Variants in PCDHGB1 observed in about 807,000 individuals in gnomAD.
PCDHGB1 encodes protocadherin gamma subfamily B, 1.
A neutral mutation model predicts 56.6 loss-of-function variants in PCDHGB1; 34 were observed. The ratio of observed to expected loss-of-function variants is 0.60; its 90% CI spans 0.46 to 0.80. The LOEUF is 0.80. Among genes scored for constraint, PCDHGB1 ranks in the 30% least tolerant of loss-of-function variants. The pLI is 0.00. For synonymous variants in PCDHGB1, 561 were observed against 505.9 expected (o/e 1.11, Z -1.46); for missense variants, 1,278 against 1,204.6 (o/e 1.06, Z -0.90).
At chr5:141,451,315 T>A (rs2154563546) in intron 1 of PCDHGB1, among the ~76,000 whole-genome samples, 1 of 152,330 alleles carries the variant, frequency 6.6e-6, no homozygotes, top group South Asian at 2.1e-4. Context: ...GCAATTAAAG[T>A]GTCACCTAAG....
In PCDHGB1 at chr5:141,351,327, C is replaced by A; in HGVS notation, c.1067C>A (p.Ser356Ter). The change falls in exon 1 of 4, where the codon TCA becomes TAA. Residue 356 changes from serine to a stop codon, truncating the protein, a stop_gained. Transcript: ENST00000523390. LOFTEE classifies it high-confidence loss of function. ...MSFSNQIPEDSDLGTVIALIK... is the reference protein window; with the variant it reads ...MSFSNQIPED Reference sequence around the variant, plus strand: ...TTCTCTAACCAGATTCCAGAGGATTCAGACCTTGGAACTGTAATAGCCCTC... The same window carrying A: ...TTCTCTAACCAGATTCCAGAGGATTAAGACCTTGGAACTGTAATAGCCCTC... 3 of 1,613,716 alleles carry A rather than the reference C, an allele frequency of 1.9e-6. No homozygotes were observed. The highest frequency in any genetic ancestry group is 2.5e-6 in the Non-Finnish European group (3 of 1,179,720).
At chr5:141,418,066 C>T (rs777602456) in intron 1 of PCDHGB1, 1 of 1,613,980 alleles carries the variant, frequency 6.2e-7, no homozygotes, top group Non-Finnish European at 8.5e-7. Flanking sequence ...TGCGAGTGAG[C>T]GCGGAGAAGC....
At chr5:141,470,025 A>T (rs2099219670) in intron 1 of PCDHGB1, among the ~76,000 whole-genome samples, 1 of 152,156 alleles carries the variant, frequency 6.6e-6, no homozygotes, top group African/African-American at 2.4e-5. Context: ...GCTACTCGGG[A>T]TGCTGAGGCG....
rs199698737 is a variant in PCDHGB1, at chr5:141,438,639, C to T, written c.2410-56168C>T. On this transcript the variant is annotated intron_variant, in intron 1 of 3. Transcript: ENST00000523390. ...ATATATATATATATATATATATACA[C>T]ACACACACACACATATATGTATATA... 7.1e-3 allele frequency among the ~76,000 whole-genome samples: 359 copies of T among 50,816 alleles called. 1 individual carries two copies. Among genetic ancestry groups the T allele is most frequent in the South Asian group, 0.017 (27 of 1,588 alleles). The allele number at this position is 50,816 out of a possible 152,430, so 33.3% of individuals were successfully genotyped here.
chr5:141,358,450 A>G (rs62378416), intron 1 of PCDHGB1, among the ~76,000 whole-genome samples: 4,507 of 152,282 alleles, frequency 0.03, 78 homozygotes, highest in Middle Eastern at 0.088. Flanking sequence ...ACGTCAATTT[A>G]AGAATACTGG....
intron 3 of PCDHGB1, among the ~76,000 whole-genome samples, chr5:141,509,532 A>C (rs2099877210): frequency 6.6e-6 from 1 of 152,124 alleles, no homozygotes; most frequent in African/African-American, 2.4e-5. Flanking sequence ...GCACAGGATG[A>C]AGCACCATCT....
At chr5:141,389,631 G>A (rs1390648430) in intron 1 of PCDHGB1, 15 of 1,612,998 alleles carry the variant, frequency 9.3e-6, no homozygotes, top group African/African-American at 1.3e-5. Flanking sequence ...TGCAGAGCCT[G>A]GCTACTTGGT....
chr5:141,353,607 C>A (rs1759331003), intron 1 of PCDHGB1, among the ~76,000 whole-genome samples: 1 of 152,158 alleles, frequency 6.6e-6, no homozygotes, highest in South Asian at 2.1e-4. Flanking sequence ...CTTAACCATT[C>A]CTAAATTATT....
At chr5:141,405,353 AT>A in intron 1 of PCDHGB1, 3 of 1,614,026 alleles carry the variant, frequency 1.9e-6, no homozygotes, top group Non-Finnish European at 2.5e-6. Context: ...CAAGTTTCCT[AT>A]AGAAGACACC....
chr5:141,400,072 C>G (rs1469206078), intron 1 of PCDHGB1: 1 of 1,613,934 alleles, frequency 6.2e-7, no homozygotes, highest in Non-Finnish European at 8.5e-7. Context: ...TGGACAGCCG[C>G]CACTCTCCGC....
intron 1 of PCDHGB1, chr5:141,374,095 G>C (rs774100259): frequency 6.4e-7 from 1 of 1,556,900 alleles, no homozygotes. Context: ...TGGCGCCTCC[G>C]CAGAGGCATC....
intron 1 of PCDHGB1, chr5:141,409,546 C>A (rs775680397): frequency 6.2e-7 from 1 of 1,613,880 alleles, no homozygotes; most frequent in African/African-American, 1.3e-5. Flanking sequence ...TCAACGACAA[C>A]GCCCCAGTTT....
At chr5:141,365,966 G>C in intron 1 of PCDHGB1, 1 of 1,614,222 alleles carries the variant, frequency 6.2e-7, no homozygotes, top group Non-Finnish European at 8.5e-7. Context: ...TAGCAGCAAC[G>C]TGTCGCTGAG....
chr5:141,383,023 G>A (rs1778720923), intron 1 of PCDHGB1: 2 of 1,613,826 alleles, frequency 1.2e-6, no homozygotes, highest in South Asian at 1.1e-5. Context: ...GACGGACAAA[G>A]GGTCCTTTGT....
At chr5:141,376,223 C>T (rs1772425823) in intron 1 of PCDHGB1, 1 of 1,614,084 alleles carries the variant, frequency 6.2e-7, no homozygotes, top group Non-Finnish European at 8.5e-7. Context: ...GCTGCTGGCG[C>T]TCAGACTGCA....
chr5:141,420,065 G>A (rs1253164840), intron 1 of PCDHGB1: 4 of 1,614,018 alleles, frequency 2.5e-6, no homozygotes, highest in Non-Finnish European at 3.4e-6. Flanking sequence ...CTCCAAGTCC[G>A]GACCTGTGGG....
intron 1 of PCDHGB1, chr5:141,427,310 C>A (rs989300491): frequency 2.2e-5 from 10 of 456,738 alleles, no homozygotes; most frequent in African/African-American, 1.8e-4. Flanking sequence ...ATGACAATGC[C>A]CCAGACGTGG....
rs770357830 is a variant in PCDHGB1 at position 141,392,977 on chromosome 5, A to G, written c.2409+40308A>G. On this transcript the variant is annotated intron_variant, in intron 1 of 3. Coordinates refer to ENST00000523390, the MANE Select transcript of PCDHGB1 (RefSeq NM_018922.3). ...AATATCTCCAAGGACCTGGGGCTGG[A>G]CCCCCGGAAGCTGGCGAAGCACGGA... 1.9e-6 allele frequency: 3 copies of G among 1,613,560 alleles called. No homozygotes were observed. The highest frequency in any genetic ancestry group is 4.5e-5 in the East Asian group (2 of 44,876).
intron 1 of PCDHGB1, chr5:141,355,396 A>T (rs1561508735): frequency 6.2e-7 from 1 of 1,614,080 alleles, no homozygotes; most frequent in Non-Finnish European, 8.5e-7. Context: ...CGGAGTCCGC[A>T]TCGTCTCCAG....
Sources: gnomAD v4.1 joint callset for allele counts (sites outside exome capture counted in the v4.1 genomes callset) on GRCh38, gnomAD v4.1.1 for gene constraint, MANE v1.5 for transcripts, NCBI Gene and HGNC (gene_info 2026-07-23, HGNC 2026-07-21) for gene names.